USP49: variants seen among roughly 807,000 people sequenced by gnomAD.
USP49 encodes ubiquitin carboxyl-terminal hydrolase 49.
In USP49, 24 loss-of-function variants were observed where a neutral mutation model predicts 58.6. The ratio of observed to expected loss-of-function variants is 0.41; its 90% CI spans 0.30 to 0.58. The LOEUF (loss-of-function observed/expected upper bound fraction) is 0.58, where lower values mean the gene tolerates loss of function less well. Among genes scored for constraint, USP49 ranks in the 20% least tolerant of loss-of-function variants. The pLI, the probability that USP49 is intolerant of heterozygous loss-of-function variation, is 0.30. For synonymous variants in USP49, 408 were observed against 365.1 expected (o/e 1.12, Z -1.34); for missense variants, 703 against 866.1 (o/e 0.81, Z 2.36).
rs777525554 is a variant in USP49, at chr6:41,806,566, G to T, written c.418C>A (p.Leu140Ile). Residue 140 changes from leucine to isoleucine, a missense_variant, in exon 4 of 8, where the codon CTC (leucine) becomes ATC (isoleucine). Physicochemically the swap from Leu to Ile is conservative, Grantham distance 5. Around this residue, in one of 6 missense-constraint regions of USP49, gnomAD observed 376 missense variants for 373.5 expected, o/e 1.01. Transcript: ENST00000682992. The surrounding 1 kb of genome is among the most constrained non-coding windows in gnomAD (Gnocchi z 5.9). ...TGACGCCGGTACCACAGAGCCGTGA[G>T]CATCTGCGGCTGTCCCTGAGGAGCG... ...QRAPQGQPQM[L>I]TALWYRRQRL... is the part of the protein sequence containing the mutation. The T allele has an allele frequency of 8.7e-6, 14 of 1,603,254 alleles. No individual in the cohort carries two copies. The South Asian group carries it at 1.4e-4, about 16-fold the overall frequency.
chr6:41,858,034 G>A (rs1774160508), intron 3 of USP49, among the ~76,000 whole-genome samples: 2 of 152,162 alleles, frequency 1.3e-5, no homozygotes. Context: ...GGGTGTGTGT[G>A]TGTGTAGCAT....
At chr6:41,879,736 C>T in intron 2 of USP49, among the ~76,000 whole-genome samples, 1 of 152,192 alleles carries the variant, frequency 6.6e-6, no homozygotes, top group East Asian at 1.9e-4. Flanking sequence ...CATCCCTAGC[C>T]ATTTTCCCCA....
At chr6:41,843,312 A>T (rs1351956614) in intron 3 of USP49, among the ~76,000 whole-genome samples, 1 of 152,234 alleles carries the variant, frequency 6.6e-6, no homozygotes, top group Non-Finnish European at 1.5e-5. Flanking sequence ...AGTATAAATT[A>T]AATTATATAC....
At position 41,882,390 on chromosome 6, in the gene USP49, A is replaced by G. The variant is rs530021795; in HGVS notation, c.-103+9404T>C. ...ATCAACTGGAAGGTTCAGCTAGTTT[A>G]GTGGATGGTATTGGGAAATAAAAAA... On this transcript the variant is annotated intron_variant, in intron 2 of 7. Transcript: ENST00000682992. Among the ~76,000 whole-genome samples, 5 of 152,356 alleles carry G rather than the reference A, an allele frequency of 3.3e-5. No homozygotes were observed. The East Asian group carries it at 9.6e-4, about 29-fold the overall frequency.
intron 3 of USP49, among the ~76,000 whole-genome samples, chr6:41,820,207 A>C (rs1245008725): frequency 6.6e-6 from 1 of 151,028 alleles, no homozygotes; most frequent in Non-Finnish European, 1.5e-5. Flanking sequence ...AGTTTTATTG[A>C]GGTATAATTG....
chr6:41,811,474 G>GTA, intron 3 of USP49, among the ~76,000 whole-genome samples: 1 of 152,270 alleles, frequency 6.6e-6, no homozygotes, highest in East Asian at 1.9e-4. Flanking sequence ...AAAAAACATA[G>GTA]TATATATAGG....
Position 41,803,228 on chromosome 6 carries a change from T to G in USP49, c.1561+578A>C, listed in dbSNP as rs75947499. ...AGTCCCCATTTCAGGAGCCACAACT[T>G]TAAAATCCCTTCCAAGATGACAACT... On this transcript the variant is annotated intron_variant, in intron 5 of 7. Transcript: ENST00000682992. This position sits in a 1 kb window ranked among gnomAD's most constrained non-coding sequence, Gnocchi z 4.1. Among the ~76,000 whole-genome samples the G allele has an allele frequency of 0.017, 2,564 of 152,282 alleles. 56 individuals carry two copies. Among genetic ancestry groups the G allele is most frequent in the African/African-American group, 0.051 (2,135 of 41,576 alleles).
intron 3 of USP49, among the ~76,000 whole-genome samples, chr6:41,843,198 C>G (rs1773858009): frequency 6.6e-6 from 1 of 152,200 alleles, no homozygotes; most frequent in Non-Finnish European, 1.5e-5. Flanking sequence ...CTTATCCTAC[C>G]ATGCACATTA....
At chr6:41,852,728 A>C (rs1447397258) in intron 3 of USP49, among the ~76,000 whole-genome samples, 2 of 152,224 alleles carry the variant, frequency 1.3e-5, no homozygotes, top group Admixed American at 6.5e-5. Flanking sequence ...ATTAATTCTA[A>C]AACTCATATG....
chr6:41,845,303 C>T (rs1460445044), intron 3 of USP49, among the ~76,000 whole-genome samples: 4 of 151,968 alleles, frequency 2.6e-5, no homozygotes, highest in African/African-American at 4.8e-5. Flanking sequence ...TTTGGGAGGC[C>T]GAGGCAGGCA....
At position 41,806,824 on chromosome 6, in the gene USP49, C is replaced by T. The variant is rs144313199; in HGVS notation, c.160G>A (p.Ala54Thr). ...VACGRYIEDH[A>T]LKHFEETGHP... ...CCCGTCTCCTCAAAGTGTTTCAGGG[C>T]GTGGTCCTCAATATAGCGGCCGCAG... is the stretch of plus-strand genomic sequence containing the variant. Residue 54 changes from alanine (A) to threonine (T), a missense_variant, in exon 4 of 8, where the codon GCC (alanine) becomes ACC (threonine). Ala to Thr is a moderately conservative substitution (Grantham distance 58). Around this residue, in one of 6 missense-constraint regions of USP49, gnomAD observed 376 missense variants for 373.5 expected, o/e 1.01. Transcript: ENST00000682992. The surrounding 1 kb of genome is among the most constrained non-coding windows in gnomAD (Gnocchi z 5.9). 149 of 1,614,146 alleles carry T rather than the reference C, an allele frequency of 9.2e-5. No individual in the cohort carries two copies. Among genetic ancestry groups the T allele is most frequent in the Middle Eastern group, 1.7e-4 (1 of 6,060 alleles).
intron 3 of USP49, among the ~76,000 whole-genome samples, chr6:41,815,075 T>C (rs1306759358): frequency 6.6e-6 from 1 of 151,848 alleles, no homozygotes; most frequent in East Asian, 1.9e-4. Context: ...TAATCTAATA[T>C]CAATATATAG....
intron 2 of USP49, among the ~76,000 whole-genome samples, chr6:41,881,285 T>C (rs1345533883): frequency 4.4e-4 from 2 of 4,514 alleles, no homozygotes; most frequent in Admixed American, 4.5e-3. Flanking sequence ...TGGCATTAAA[T>C]ACCAAAAAAA....
intron 3 of USP49, among the ~76,000 whole-genome samples, chr6:41,854,986 C>T (rs1341020387): frequency 6.6e-6 from 1 of 152,016 alleles, no homozygotes; most frequent in African/African-American, 2.4e-5. Flanking sequence ...GTTGGCCAGG[C>T]TGGTCTCGAA....
At chr6:41,853,808 C>T (rs944003338) in intron 3 of USP49, among the ~76,000 whole-genome samples, 7 of 150,986 alleles carry the variant, frequency 4.6e-5, no homozygotes, top group African/African-American at 1.7e-4. Flanking sequence ...ACCAGCCTGA[C>T]CAACATGGAG....
chr6:41,833,999 T>G (rs576424316), intron 3 of USP49, among the ~76,000 whole-genome samples: 1 of 152,300 alleles, frequency 6.6e-6, no homozygotes, highest in South Asian at 2.1e-4. Flanking sequence ...TGTTTAAAAC[T>G]TTAAACAAAG....
At chr6:41,825,618 T>C (rs961935319) in intron 3 of USP49, among the ~76,000 whole-genome samples, 2 of 152,200 alleles carry the variant, frequency 1.3e-5, no homozygotes, top group African/African-American at 2.4e-5. Flanking sequence ...AAAGTATATA[T>C]GTAATTTATT....
intron 3 of USP49, among the ~76,000 whole-genome samples, chr6:41,869,412 GA>G (rs113236566): frequency 2.0e-5 from 3 of 149,868 alleles, no homozygotes; most frequent in African/African-American, 7.4e-5. Context: ...GTGCAAAAAG[GA>G]AAAAAAAATA....
rs1422138274 is a variant in USP49, at chr6:41,799,823, A to G, written c.1670+7T>C. ...TCACCCAGCTGGGACTCCCACAGCA[A>G]GCTCACCTGAATCTTTTAAGGTGCA... is the stretch of plus-strand genomic sequence containing the variant. On this transcript the variant is annotated splice_region_variant and intron_variant, in intron 6 of 7. Transcript: ENST00000682992. The G allele has an allele frequency of 6.2e-7, 1 of 1,613,224 alleles. No homozygotes were observed.
Sources: gnomAD v4.1 joint callset for allele counts (sites outside exome capture counted in the v4.1 genomes callset) on GRCh38, gnomAD v4.1.1 for gene constraint, gnomAD v4.1.1 regional missense constraint, Gnocchi (gnomAD v3.1) non-coding constraint, MANE v1.5 for transcripts, NCBI Gene and HGNC (gene_info 2026-07-23, HGNC 2026-07-21) for gene names.